PTPRS: variants seen among roughly 807,000 people sequenced by gnomAD.
PTPRS encodes the protein protein tyrosine phosphatase receptor type S.
In PTPRS, 63 loss-of-function variants were observed where a neutral mutation model predicts 215.3. That is an observed-to-expected ratio of 0.29 (90% CI 0.24 to 0.36). PTPRS has a LOEUF of 0.36. Ranked by LOEUF, PTPRS falls within the 10% of genes least tolerant of loss-of-function variation. The pLI, the probability that PTPRS is intolerant of heterozygous loss-of-function variation, is 1.00. For missense variants in PTPRS, 2,258 were observed against 2,825.8 expected, an observed-to-expected ratio of 0.80 and a Z score of 4.56; for synonymous variants, 1,404 against 1,191.4, an observed-to-expected ratio of 1.18 and a Z score of -3.68.
At chr19:5,225,337 C>T (rs2042386129) in intron 17 of PTPRS, among the ~76,000 whole-genome samples, 1 of 152,124 alleles carries the variant, frequency 6.6e-6, no homozygotes, top group South Asian at 2.1e-4. Context: ...ATGAGGCAAT[C>T]AGGGAAGGCT....
Position 5,286,123 on chromosome 19 carries a change from G to A in PTPRS, c.18C>T (p.Gly6=). The A allele has an allele frequency of 6.2e-7, 1 of 1,614,098 alleles. No homozygotes were observed. Among genetic ancestry groups the A allele is most frequent in the South Asian group, 1.1e-5 (1 of 91,088 alleles). Residue 6 remains glycine (G), a synonymous_variant, in exon 2 of 38, where the codon GGC becomes GGT. Transcript: ENST00000262963. ...GACCAACCACAGACACCATGCCAGG[G>A]CCCCAGGTGGGCGCCATGCTTGGCA... MAPTW[G]PGMVSVVGPM... is the part of the protein sequence containing the mutation.
Position 5,278,105 on chromosome 19 carries a change from A to G in PTPRS, c.92-3761T>C, listed in dbSNP as rs553505683. On this transcript the variant is annotated intron_variant, in intron 2 of 37. Transcript: ENST00000262963. The stretch of plus-strand genomic sequence containing the variant: ...AGCTGCCGTCAGAGTCACCAACCCC[A>G]ATGCCAGGCTGCGCAGTGAAGAAAA... The G allele has an allele frequency of 4.5e-5, 31 of 692,926 alleles. No individual in the cohort carries two copies. In the African/African-American group the frequency reaches 5.1e-4, roughly 11 times the overall value. 42.9% of individuals were successfully genotyped at this position (692,926 alleles called of 1,614,324 possible).
chr19:5,272,251 A>G (rs748905025), intron 4 of PTPRS, among the ~76,000 whole-genome samples: 11 of 152,286 alleles, frequency 7.2e-5, no homozygotes, highest in Admixed American at 3.3e-4. Context: ...CTTCCTCATT[A>G]TAAAACAGCA....
At chr19:5,316,672 C>T (rs1016651274) in intron 1 of PTPRS, among the ~76,000 whole-genome samples, 2 of 152,216 alleles carry the variant, frequency 1.3e-5, no homozygotes, top group African/African-American at 2.4e-5. Flanking sequence ...GGATTACAGG[C>T]ATGAGCCACC....
chr19:5,325,652 G>A (rs1006274358), intron 1 of PTPRS, among the ~76,000 whole-genome samples: 1 of 152,232 alleles, frequency 6.6e-6, no homozygotes, highest in African/African-American at 2.4e-5. Flanking sequence ...GCCCCCACCG[G>A]CAATCTGTGC....
chr19:5,236,175 G>A (rs2043427616), intron 13 of PTPRS, among the ~76,000 whole-genome samples: 1 of 152,184 alleles, frequency 6.6e-6, no homozygotes, highest in Non-Finnish European at 1.5e-5. Context: ...ACCGACTGTG[G>A]CCAGACCCCA....
At chr19:5,318,684 G>A (rs1003493151) in intron 1 of PTPRS, among the ~76,000 whole-genome samples, 4 of 152,088 alleles carry the variant, frequency 2.6e-5, no homozygotes, top group Non-Finnish European at 4.4e-5. Context: ...ACAGGGTCTC[G>A]CTCTGTCACC....
At chr19:5,213,463 A>G (rs12977739) in intron 30 of PTPRS, among the ~76,000 whole-genome samples, 62,301 of 151,978 alleles carry the variant, frequency 0.41, 13,270 homozygotes, top group East Asian at 0.59. Context: ...CCAGGTCCCT[A>G]ACACTGTTTT....
intron 1 of PTPRS, among the ~76,000 whole-genome samples, chr19:5,292,367 G>A (rs1235604615): frequency 6.6e-6 from 1 of 152,176 alleles, no homozygotes; most frequent in Non-Finnish European, 1.5e-5. Flanking sequence ...AGACTTAAAG[G>A]GTGGGGGTGA....
chr19:5,259,308 A>G (rs2045807968), intron 7 of PTPRS, among the ~76,000 whole-genome samples: 1 of 152,230 alleles, frequency 6.6e-6, no homozygotes, highest in Non-Finnish European at 1.5e-5. Context: ...ACTTTCCATG[A>G]ACCTATAAAA....
At chr19:5,285,198 C>T (rs1272413017) in intron 2 of PTPRS, among the ~76,000 whole-genome samples, 3 of 152,124 alleles carry the variant, frequency 2.0e-5, no homozygotes, top group Admixed American at 6.5e-5. Flanking sequence ...GCCACTAGCC[C>T]GGGGTTGTGC....
At chr19:5,268,448 G>A (rs1294316114) in intron 4 of PTPRS, among the ~76,000 whole-genome samples, 2 of 152,016 alleles carry the variant, frequency 1.3e-5, no homozygotes, top group Non-Finnish European at 2.9e-5. Flanking sequence ...TCAGGGGTGG[G>A]TGGCCGTGGA....
In PTPRS at chr19:5,206,497, AC is replaced by A. The variant is rs974624077; in HGVS notation, c.*276del. 1 of 227,972 alleles carries A rather than the reference AC, an allele frequency of 4.4e-6. No individual in the cohort carries two copies. The highest frequency in any genetic ancestry group is 8.7e-6 in the Non-Finnish European group (1 of 115,046). The allele number at this position is 227,972 out of a possible 1,614,324, so 14.1% of individuals were successfully genotyped here. A position where few individuals can be genotyped will look rare whatever the true frequency, so the allele number is the denominator to read the frequency against. ...ACTCCTATTTGCTCACCATCCCCCC[AC>A]CCCCCACCCCGGAATCTGGTTTTGG... On this transcript the variant is annotated 3_prime_UTR_variant, in exon 38 of 38. Coordinates refer to ENST00000262963, the MANE Select transcript of PTPRS (RefSeq NM_002850.4).
chr19:5,309,275 C>A (rs1214622042), intron 1 of PTPRS, among the ~76,000 whole-genome samples: 1 of 152,198 alleles, frequency 6.6e-6, no homozygotes, highest in Non-Finnish European at 1.5e-5. Flanking sequence ...CTTCAGCCCC[C>A]TGGTCTGCAA....
chr19:5,214,301 TC>T, intron 30 of PTPRS, 59 bp downstream of exon 30: 2 of 1,610,634 alleles, frequency 1.2e-6, no homozygotes, highest in Non-Finnish European at 1.7e-6. Context: ...GCTGGGGCCC[TC>T]TGCCTCCCTT....
chr19:5,226,442 TGTAC>T (rs2042506211), intron 16 of PTPRS, among the ~76,000 whole-genome samples: 1 of 152,084 alleles, frequency 6.6e-6, no homozygotes, highest in African/African-American at 2.4e-5. Context: ...AAAATTAAAC[TGTAC>T]GAGGCTGGGC....
Position 5,214,562 on chromosome 19 carries a change from C to A in PTPRS, c.4493G>T (p.Arg1498Leu), listed in dbSNP as rs748467965. The A allele has an allele frequency of 6.2e-7, 1 of 1,611,438 alleles. No homozygotes were observed. The highest frequency in any genetic ancestry group is 8.5e-7 in the Non-Finnish European group (1 of 1,178,330). Reference protein sequence around the residue: ...VMMTRLEEKSRIKCDQYWPNR... With the variant: ...VMMTRLEEKSLIKCDQYWPNR... Reference sequence around the variant, plus strand: ...AGGGCCGTGGGGTCCAAGGCTCACCCGTGACTTCTCCTCCAGCCGCGTCAT... The same window carrying A: ...AGGGCCGTGGGGTCCAAGGCTCACCAGTGACTTCTCCTCCAGCCGCGTCAT... Residue 1498 changes from arginine (R) to leucine (L), a missense_variant and splice_region_variant, in exon 29 of 38, where the codon CGG (arginine) becomes CTG (leucine). Transcript: ENST00000262963.
At chr19:5,335,249 C>A (rs2050457110) in intron 1 of PTPRS, among the ~76,000 whole-genome samples, 1 of 152,174 alleles carries the variant, frequency 6.6e-6, no homozygotes, top group Non-Finnish European at 1.5e-5. Context: ...ACTGCGGACG[C>A]GTTGAGAGCC....
intron 16 of PTPRS, 144 bp downstream of exon 16, chr19:5,229,172 T>TA (rs2042781902): frequency 1.0e-6 from 1 of 953,140 alleles, no homozygotes; most frequent in African/African-American, 1.7e-5. Flanking sequence ...CTCCAAGAGG[T>TA]AATGGGAGAG....
Sources: allele counts gnomAD v4.1 joint callset (sites outside exome capture counted in the v4.1 genomes callset), GRCh38; gene constraint gnomAD v4.1.1; transcripts MANE v1.5; gene names NCBI Gene and HGNC (gene_info 2026-07-23, HGNC 2026-07-21).